The following GTF2A2 variants were observed in gnomAD, a reference collection of about 807,000 sequenced individuals.
GTF2A2 encodes the protein transcription initiation factor IIA subunit 2.
In GTF2A2, 9 loss-of-function variants were observed where a neutral mutation model predicts 14.3. The observed-to-expected ratio is 0.63, with a 90% CI of 0.38 to 1.10. GTF2A2 has a LOEUF of 1.10. GTF2A2 is among the 50% of genes least tolerant of loss of function. The probability of loss-of-function intolerance (pLI) is 0.01; values close to 1 mark genes in which losing one functional copy is unlikely to be tolerated. For missense variants in GTF2A2, 90 were observed against 124.6 expected (o/e 0.72, Z 1.32); for synonymous variants, 56 against 46.0 (o/e 1.22, Z -0.88).
rs755517833 is a variant in GTF2A2, at chr15:59,650,642, C to A, written c.177+27G>T. On this transcript the variant is annotated intron_variant, in intron 3 of 4. Coordinates refer to ENST00000396060, the MANE Select transcript of GTF2A2 (RefSeq NM_004492.3). ...GTGTTTTAACAACCATTGGTACAGGCTTCTAGATTCAGGAAAATATCCTTA... is the reference window on the plus strand; with the variant it reads ...GTGTTTTAACAACCATTGGTACAGGATTCTAGATTCAGGAAAATATCCTTA... The A allele has an allele frequency of 1.2e-5, 15 of 1,253,944 alleles. No homozygotes were observed. In the South Asian group the frequency reaches 1.6e-4, roughly 13 times the overall value. The allele number at this position is 1,253,944 out of a possible 1,614,324, so 77.7% of individuals were successfully genotyped here. A position where few individuals can be genotyped will look rare whatever the true frequency, so the allele number is the denominator to read the frequency against.
chr15:59,640,349 C>T (rs868156468), intron 4 of GTF2A2: 3 of 152,176 alleles, frequency 2.0e-5, no homozygotes, highest in Non-Finnish European at 2.9e-5. Flanking sequence ...TGATATTATA[C>T]ACCAGTATTT....
At position 59,638,926 on chromosome 15, in the gene GTF2A2, TA is replaced by T. The variant is rs35222026; in HGVS notation, c.*205del. 5 of 485,900 alleles carry T rather than the reference TA, an allele frequency of 1.0e-5. No individual in the cohort carries two copies. Among genetic ancestry groups the T allele is most frequent in the Non-Finnish European group, 1.9e-5 (5 of 268,030 alleles). 30.1% of individuals were successfully genotyped at this position (485,900 alleles called of 1,614,324 possible). On this transcript the variant is annotated 3_prime_UTR_variant, in exon 5 of 5. Transcript: ENST00000396060. ...TTAGGAAGGCAACAACTTTTGTCCT[TA>T]AAAAAAAGTTATGGTTTTTCATGCT... is the stretch of plus-strand genomic sequence containing the variant.
Position 59,638,628 on chromosome 15 carries a change from T to A in GTF2A2, c.*504A>T, listed in dbSNP as rs1891266172. 1 of 152,474 alleles carries A rather than the reference T, an allele frequency of 6.6e-6. No homozygotes were observed. The highest frequency in any genetic ancestry group is 1.5e-5 in the Non-Finnish European group (1 of 68,238). The allele number at this position is 152,474 out of a possible 1,614,324, so 9.4% of individuals were successfully genotyped here. A position where few individuals can be genotyped will look rare whatever the true frequency, so the allele number is the denominator to read the frequency against. The stretch of plus-strand genomic sequence containing the variant: ...ATCAAGTTGTACTTGGGTTTTTTTA[T>A]ACCAATGATTAACTTTGGTTTTGTA... On this transcript the variant is annotated 3_prime_UTR_variant, in exon 5 of 5. Coordinates refer to ENST00000396060, the MANE Select transcript of GTF2A2 (RefSeq NM_004492.3).
intron 1 of GTF2A2, chr15:59,656,848 C>A (rs1891959709): frequency 1.3e-5 from 2 of 152,188 alleles, no homozygotes; most frequent in Admixed American, 1.3e-4. Flanking sequence ...GTGTTCTAAT[C>A]TTTTAGATGT....
chr15:59,650,656 A>AC lies in GTF2A2; in HGVS notation c.177+12_177+13insG, dbSNP rs760508058. On this transcript the variant is annotated intron_variant, in intron 3 of 4. Coordinates refer to ENST00000396060, the MANE Select transcript of GTF2A2 (RefSeq NM_004492.3). Reference sequence around the variant, plus strand: ...ATTGGTACAGGCTTCTAGATTCAGGAAAATATCCTTACCCTGAAATTGACT... The same window carrying AC: ...ATTGGTACAGGCTTCTAGATTCAGGACAAATATCCTTACCCTGAAATTGACT... 3.4e-6 allele frequency: 5 copies of AC among 1,454,062 alleles called. No homozygotes were observed. The African/African-American group carries it at 7.0e-5, about 20-fold the overall frequency. 90.1% of individuals were successfully genotyped at this position (1,454,062 alleles called of 1,614,324 possible).
chr15:59,640,443 T>C (rs1339586060), intron 4 of GTF2A2, among the ~76,000 whole-genome samples: 2 of 152,232 alleles, frequency 1.3e-5, no homozygotes, highest in African/African-American at 4.8e-5. Context: ...AAACTGACAC[T>C]CTACTAGTCT....
chr15:59,655,453 C>A (rs1294147446), intron 1 of GTF2A2, among the ~76,000 whole-genome samples: 1 of 152,218 alleles, frequency 6.6e-6, no homozygotes, highest in Non-Finnish European at 1.5e-5. Flanking sequence ...TTGGACACAG[C>A]TGATTACTCC....
In GTF2A2 at chr15:59,639,160, A is replaced by G. The variant is rs768891565; in HGVS notation, c.305-3T>C. On this transcript the variant is annotated splice_region_variant and splice_polypyrimidine_tract_variant and intron_variant, in intron 4 of 4. Coordinates refer to ENST00000396060, the MANE Select transcript of GTF2A2 (RefSeq NM_004492.3). ...TTCTGTAGTATTGGAGCCAGTATCT[A>G]GGAAACAAAAGAGAAAGTAAAGTAA... is the stretch of plus-strand genomic sequence containing the variant. 2 of 1,444,176 alleles carry G rather than the reference A, an allele frequency of 1.4e-6. No homozygotes were observed. The highest frequency in any genetic ancestry group is 9.7e-7 in the Non-Finnish European group (1 of 1,029,490). The allele number at this position is 1,444,176 out of a possible 1,614,324, so 89.5% of individuals were successfully genotyped here.
At position 59,650,655 on chromosome 15, in the gene GTF2A2, G is replaced by C. The variant is rs199776632; in HGVS notation, c.177+14C>G. On this transcript the variant is annotated intron_variant, in intron 3 of 4. Coordinates refer to ENST00000396060, the MANE Select transcript of GTF2A2 (RefSeq NM_004492.3). ...CATTGGTACAGGCTTCTAGATTCAG[G>C]AAAATATCCTTACCCTGAAATTGAC... 2.3e-5 allele frequency: 33 copies of C among 1,451,786 alleles called. No homozygotes were observed. Among genetic ancestry groups the C allele is most frequent in the Non-Finnish European group, 3.1e-5 (32 of 1,033,068 alleles). The allele number at this position is 1,451,786 out of a possible 1,614,324, so 89.9% of individuals were successfully genotyped here.
At chr15:59,641,972 G>C (rs371266381) in intron 4 of GTF2A2, among the ~76,000 whole-genome samples, 164 bp downstream of exon 4, 1 of 152,180 alleles carries the variant, frequency 6.6e-6, no homozygotes, top group Middle Eastern at 3.2e-3. Context: ...AGCACTGTTT[G>C]AGATATGTAA....
chr15:59,645,895 A>G (rs1320602927), intron 3 of GTF2A2, among the ~76,000 whole-genome samples: 2 of 151,970 alleles, frequency 1.3e-5, no homozygotes, highest in Non-Finnish European at 2.9e-5. Flanking sequence ...TTAGACGGGC[A>G]TGATGGTGGG....
At chr15:59,646,793 G>A (rs1247621261) in intron 3 of GTF2A2, among the ~76,000 whole-genome samples, 2 of 152,064 alleles carry the variant, frequency 1.3e-5, no homozygotes, top group Admixed American at 6.5e-5. Flanking sequence ...TAACTTCTGA[G>A]CCAACAAATG....
At chr15:59,641,359 G>GAT (rs1316249208) in intron 4 of GTF2A2, among the ~76,000 whole-genome samples, 2 of 152,076 alleles carry the variant, frequency 1.3e-5, no homozygotes, top group East Asian at 3.9e-4. Context: ...GTGATTGATT[G>GAT]ATTAGCTATT....
intron 3 of GTF2A2, among the ~76,000 whole-genome samples, chr15:59,648,487 A>AAATT (rs112783076): frequency 0.97 from 145,683 of 150,416 alleles, 70,728 homozygotes; most frequent in East Asian, 1. Context: ...TTCTCCCTAA[A>AAATT]AATTAAGTTC....
Position 59,639,471 on chromosome 15 carries a change from T to TTC in GTF2A2, c.305-315_305-314insGA, listed in dbSNP as rs771977812. The stretch of plus-strand genomic sequence containing the variant: ...GGTCCTTTACTGTCCCAAATTTTTT[T>TTC]TTTTTTTTTGAGATGGAGTCTAGCT... On this transcript the variant is annotated intron_variant, in intron 4 of 4. Transcript: ENST00000396060. 1.9e-4 allele frequency among the ~76,000 whole-genome samples: 29 copies of TTC among 151,376 alleles called. 1 individual carries two copies. The highest frequency in any genetic ancestry group is 3.2e-4 in the Non-Finnish European group (22 of 67,794).
chr15:59,656,943 G>C (rs753606492), intron 1 of GTF2A2: 1 of 152,194 alleles, frequency 6.6e-6, no homozygotes, highest in Non-Finnish European at 1.5e-5. Context: ...ACTCGTCCTA[G>C]CATTTTTTGA....
Position 59,638,290 on chromosome 15 carries a change from A to C in GTF2A2, c.*842T>G, listed in dbSNP as rs1319400865. 6.6e-6 allele frequency: 1 copy of C among 152,060 alleles called. No individual in the cohort carries two copies. Among genetic ancestry groups the C allele is most frequent in the Non-Finnish European group, 1.5e-5 (1 of 68,002 alleles). 9.4% of individuals were successfully genotyped at this position (152,060 alleles called of 1,614,324 possible). A position where few individuals can be genotyped will look rare whatever the true frequency, so the allele number is the denominator to read the frequency against. On this transcript the variant is annotated 3_prime_UTR_variant, in exon 5 of 5. Transcript: ENST00000396060. ...GCAGGAGCATCGAGGTAACAGCAAAAATCTTTTACTCCAATTGGGTCAATC... is the reference window on the plus strand; with the variant it reads ...GCAGGAGCATCGAGGTAACAGCAAACATCTTTTACTCCAATTGGGTCAATC...
chr15:59,651,058 T>C (rs761380295), intron 2 of GTF2A2: 64 of 244,608 alleles, frequency 2.6e-4, no homozygotes, highest in East Asian at 1.0e-3. Context: ...AAGGAGAAGA[T>C]AGACAAAGAG....
In GTF2A2 at chr15:59,639,195, A is replaced by G. The variant is rs752464578; in HGVS notation, c.305-38T>C. On this transcript the variant is annotated intron_variant, in intron 4 of 4. Coordinates refer to ENST00000396060, the MANE Select transcript of GTF2A2 (RefSeq NM_004492.3). The stretch of plus-strand genomic sequence containing the variant: ...AGAGAAAGTAAAGTAAAGTAAATTC[A>G]AGGAGCAATTTAATTTTACAATTAA... 2.0e-5 allele frequency: 25 copies of G among 1,237,730 alleles called. No homozygotes were observed. The South Asian group carries it at 2.9e-4, about 14-fold the overall frequency. The allele number at this position is 1,237,730 out of a possible 1,614,324, so 76.7% of individuals were successfully genotyped here. A position where few individuals can be genotyped will look rare whatever the true frequency, so the allele number is the denominator to read the frequency against.
Sources: allele counts gnomAD v4.1 joint callset (sites outside exome capture counted in the v4.1 genomes callset), GRCh38; gene constraint gnomAD v4.1.1; transcripts MANE v1.5; gene names NCBI Gene and HGNC (gene_info 2026-07-23, HGNC 2026-07-21).